MYOM1: variants seen among roughly 807,000 people sequenced by gnomAD.
The protein encoded by MYOM1 is myomesin 1.
MYOM1 carries 164 observed loss-of-function variants against 205.3 expected under a neutral mutation model. That is an observed-to-expected ratio of 0.80 (90% CI 0.70 to 0.91). The LOEUF is 0.91. Ranked by LOEUF, MYOM1 falls within the 40% of genes least tolerant of loss-of-function variation. MYOM1 has a pLI of 0.00. For synonymous variants in MYOM1, 772 were observed against 789.4 expected, an observed-to-expected ratio of 0.98 and a Z score of 0.37; for missense variants, 2,011 against 2,127.3, an observed-to-expected ratio of 0.95 and a Z score of 1.08.
chr18:3,216,281 C>CA lies in MYOM1; in HGVS notation c.-28-1031dup, dbSNP rs570320573. On this transcript the variant is annotated intron_variant, in intron 1 of 37. Transcript: ENST00000356443. ...GACTCTGTCTCACAATGAAACAAAA[C>CA]AAAAAAGAAATACAGTGGTAAACAA... Among the ~76,000 whole-genome samples, 161 of 151,980 alleles carry CA rather than the reference C, an allele frequency of 1.1e-3. 7 individuals are homozygous for CA. The South Asian group carries it at 0.033, about 31-fold the overall frequency.
intron 29 of MYOM1, 26 bp from the exon 30 acceptor site, chr18:3,086,177 T>A: frequency 6.9e-7 from 1 of 1,447,384 alleles, no homozygotes. Context: ...TAATTACTTT[T>A]CTTAAAATAA....
chr18:3,191,839 G>GCA (rs1480736193), intron 3 of MYOM1, among the ~76,000 whole-genome samples: 2 of 151,904 alleles, frequency 1.3e-5, no homozygotes, highest in African/African-American at 4.8e-5. Context: ...GGGACTACAG[G>GCA]TGCCCGCCAC....
rs1350786254 is a variant in MYOM1, at chr18:3,131,605, T to TA, written c.2385-110dup. ...TTTATGAAAACAATTCTTTTTTTTT[T>TA]ATTGTGATTTATTTTGAACAGAAAT... On this transcript the variant is annotated intron_variant, in intron 16 of 37. Coordinates refer to ENST00000356443, the MANE Select transcript of MYOM1 (RefSeq NM_003803.4). 8 of 951,872 alleles carry TA rather than the reference T, an allele frequency of 8.4e-6. No homozygotes were observed. The Admixed American group carries it at 1.1e-4, about 13-fold the overall frequency. The allele number at this position is 951,872 out of a possible 1,614,324, so 59.0% of individuals were successfully genotyped here.
At chr18:3,221,037 C>T (rs1808916), upstream of MYOM1, among the ~76,000 whole-genome samples, 13,801 of 152,236 alleles carry the variant, frequency 0.091, 710 homozygotes, top group African/African-American at 0.14. Flanking sequence ...GTTTTTCTTT[C>T]TGAGACAGGG....
intron 8 of MYOM1, 73 bp from the exon 9 acceptor site, chr18:3,169,054 G>T: frequency 7.9e-7 from 1 of 1,270,862 alleles, no homozygotes. Flanking sequence ...AATAAGCACA[G>T]GCAGAAAGCA....
At chr18:3,197,198 G>A (rs1390304538) in intron 2 of MYOM1, among the ~76,000 whole-genome samples, 4 of 149,590 alleles carry the variant, frequency 2.7e-5, no homozygotes, top group African/African-American at 4.9e-5. Flanking sequence ...GTGCAATGGC[G>A]CGATCTCGGC....
chr18:3,090,922 C>A, intron 26 of MYOM1, 120 bp from the exon 27 acceptor site: 1 of 1,247,452 alleles, frequency 8.0e-7, no homozygotes, highest in Non-Finnish European at 1.1e-6. Context: ...CTGTTCATGC[C>A]TGTAATCCCA....
At chr18:3,131,762 A>G (rs1308755794) in intron 16 of MYOM1, among the ~76,000 whole-genome samples, 1 of 151,948 alleles carries the variant, frequency 6.6e-6, no homozygotes, top group Non-Finnish European at 1.5e-5. Flanking sequence ...CATTTTTTAA[A>G]GGAAGAAAAA....
intron 22 of MYOM1, among the ~76,000 whole-genome samples, chr18:3,104,985 G>A (rs2079433176): frequency 1.3e-5 from 2 of 152,068 alleles, no homozygotes; most frequent in African/African-American, 2.4e-5. Flanking sequence ...CTGAGCTCAA[G>A]TGATCCACCC....
rs565159749 is a variant in MYOM1, at chr18:3,067,208, C to G, written c.*54G>C. On this transcript the variant is annotated 3_prime_UTR_variant, in exon 38 of 38. Coordinates refer to ENST00000356443, the MANE Select transcript of MYOM1 (RefSeq NM_003803.4). ...GCATGAAGACGTCTCATCCTTAACC[C>G]AAACCATTCACACCCAAGTCACACA... 30 of 1,524,548 alleles carry G rather than the reference C, an allele frequency of 2.0e-5. No individual in the cohort carries two copies. The South Asian group carries it at 3.6e-4, about 18-fold the overall frequency. 94.4% of individuals were successfully genotyped at this position (1,524,548 alleles called of 1,614,324 possible).
chr18:3,205,503 A>T (rs1327651043), intron 2 of MYOM1, among the ~76,000 whole-genome samples: 2 of 152,228 alleles, frequency 1.3e-5, no homozygotes. Context: ...ATGCAAATCA[A>T]AACCACAACA....
chr18:3,238,438 A>G, the MYOM1 span, among the ~76,000 whole-genome samples: 1 of 150,250 alleles, frequency 6.7e-6, no homozygotes, highest in Admixed American at 6.6e-5. Flanking sequence ...CATGGTGAAG[A>G]TGGGAAATTT....
At chr18:3,202,673 C>G (rs574777182) in intron 2 of MYOM1, among the ~76,000 whole-genome samples, 2 of 152,000 alleles carry the variant, frequency 1.3e-5, no homozygotes, top group South Asian at 4.2e-4. Context: ...GCAAAAATGA[C>G]AGAATTGAAA....
Position 3,090,641 on chromosome 18 carries a change from T to G in MYOM1, c.4009+17A>C. ...GAGTAGCAAAGCCTGCTGGTTAATG[T>G]TCCACGGAATTCTTACCATCTCCAA... is the stretch of plus-strand genomic sequence containing the variant. On this transcript the variant is annotated intron_variant, in intron 27 of 37. Transcript: ENST00000356443. The G allele has an allele frequency of 6.2e-7, 1 of 1,613,794 alleles. No individual in the cohort carries two copies. Among genetic ancestry groups the G allele is most frequent in the Non-Finnish European group, 8.5e-7 (1 of 1,179,738 alleles).
rs1479119401 is a variant in MYOM1, at chr18:3,112,393, C to T, written c.3323G>A (p.Gly1108Asp). 3 of 1,607,108 alleles carry T rather than the reference C, an allele frequency of 1.9e-6. No homozygotes were observed. The highest frequency in any genetic ancestry group is 1.7e-6 in the Non-Finnish European group (2 of 1,175,314). The change falls in exon 22 of 38, where the codon GGC (glycine) becomes GAC (aspartate). Residue 1108 changes from glycine to aspartate, a missense_variant. Physicochemically the swap from Gly to Asp is moderately conservative, Grantham distance 94. Transcript: ENST00000356443. Reference protein sequence around the residue: ...VYLKVRGLKEGVSYVFRVRAI... With the variant: ...VYLKVRGLKEDVSYVFRVRAI... ...TCGAACACGGAACACGTAGCTGACG[C>T]CCTCCTTGAGGCCTCGAACCTGGTA...
chr18:3,173,204 T>G (rs1341488239), intron 8 of MYOM1, among the ~76,000 whole-genome samples: 1 of 152,254 alleles, frequency 6.6e-6, no homozygotes, highest in South Asian at 2.1e-4. Context: ...ATTCACAAAT[T>G]TGTAAATTAC....
intron 14 of MYOM1, among the ~76,000 whole-genome samples, chr18:3,140,699 G>A (rs1237680713): frequency 6.6e-6 from 1 of 152,080 alleles, no homozygotes; most frequent in Non-Finnish European, 1.5e-5. Flanking sequence ...ATAATTATCA[G>A]GGAAGGTGAC....
intron 33 of MYOM1, 41 bp from the exon 34 acceptor site, chr18:3,079,383 T>C (rs2079058920): frequency 6.4e-7 from 1 of 1,566,250 alleles, no homozygotes; most frequent in African/African-American, 1.4e-5. Flanking sequence ...TTTGCTTCCA[T>C]CCAGGGCTGA....
chr18:3,095,259 A>T (rs1336173900), intron 25 of MYOM1, among the ~76,000 whole-genome samples: 1 of 152,002 alleles, frequency 6.6e-6, no homozygotes, highest in Non-Finnish European at 1.5e-5. Context: ...ACCTGCTAAC[A>T]TGGATGTGCT....
Sources: gnomAD v4.1 joint callset for allele counts (sites outside exome capture counted in the v4.1 genomes callset) on GRCh38, gnomAD v4.1.1 for gene constraint, MANE v1.5 for transcripts, NCBI Gene and HGNC (gene_info 2026-07-23, HGNC 2026-07-21) for gene names.